The following DIP2B variants were observed in gnomAD, a reference collection of about 807,000 sequenced individuals.
DIP2B encodes DIP2 acetate--CoA ligase B (putative).
A neutral mutation model predicts 198.0 loss-of-function variants in DIP2B; 76 were observed. The observed-to-expected ratio is 0.38, with a 90% CI of 0.32 to 0.46. The LOEUF is 0.46. Among genes scored for constraint, DIP2B ranks in the 20% least tolerant of loss-of-function variants. DIP2B has a pLI of 0.99. For missense variants in DIP2B, 1,559 were observed against 1,978.4 expected, an observed-to-expected ratio of 0.79 and a Z score of 4.02; for synonymous variants, 701 against 739.1, an observed-to-expected ratio of 0.95 and a Z score of 0.84.
At chr12:50,642,039 A>C (rs1189803569) in intron 3 of DIP2B, among the ~76,000 whole-genome samples, 3 of 152,172 alleles carry the variant, frequency 2.0e-5, no homozygotes, top group Non-Finnish European at 2.9e-5. Flanking sequence ...ACACAGTTGA[A>C]GAGCTACATC....
chr12:50,680,595 G>C (rs1368332382), intron 8 of DIP2B, 77 bp from the exon 9 acceptor site: 3 of 1,344,462 alleles, frequency 2.2e-6, no homozygotes, highest in Non-Finnish European at 3.2e-6. Flanking sequence ...CTACACTGAT[G>C]ATCTGAATGT....
At chr12:50,571,352 A>G (rs545731277) in intron 1 of DIP2B, among the ~76,000 whole-genome samples, 85 of 151,220 alleles carry the variant, frequency 5.6e-4, no homozygotes, top group African/African-American at 2.0e-3. Flanking sequence ...TTATATTTTT[A>G]GTAGAGATGG....
intron 1 of DIP2B, among the ~76,000 whole-genome samples, chr12:50,576,681 C>G (rs1182385602): frequency 1.3e-5 from 2 of 151,842 alleles, no homozygotes; most frequent in Non-Finnish European, 2.9e-5. Context: ...CAGGGTTTCA[C>G]CATGTTAGCC....
intron 14 of DIP2B, among the ~76,000 whole-genome samples, chr12:50,694,875 C>T (rs567875700): frequency 6.6e-6 from 1 of 151,968 alleles, no homozygotes; most frequent in South Asian, 2.1e-4. Flanking sequence ...TTATGTAGAT[C>T]TCTTATACTG....
At chr12:50,632,188 A>G (rs1429597535) in intron 2 of DIP2B, among the ~76,000 whole-genome samples, 1 of 152,070 alleles carries the variant, frequency 6.6e-6, no homozygotes, top group Non-Finnish European at 1.5e-5. Flanking sequence ...AAACTTTATT[A>G]AAGTTTAGTA....
chr12:50,663,162 C>A (rs1046231912), intron 4 of DIP2B, among the ~76,000 whole-genome samples: 1 of 152,070 alleles, frequency 6.6e-6, no homozygotes, highest in Non-Finnish European at 1.5e-5. Context: ...CGCAGTGGCT[C>A]ACGCCTGTAA....
chr12:50,739,560 G>A lies in DIP2B; in HGVS notation c.4328G>A (p.Arg1443Gln), dbSNP rs183839808. ...ACAGGATACCTTGGTTTTGTCCGCC[G>A]GACCGAGCTCACAGCGGCCACTGGA... ...ARTGYLGFVR[R>Q]TELTAATGER... Residue 1443 changes from arginine to glutamine, a missense_variant, in exon 36 of 38, where the codon CGG becomes CAG. Physicochemically the swap from Arg to Gln is conservative, Grantham distance 43. Coordinates refer to ENST00000301180, the MANE Select transcript of DIP2B (RefSeq NM_173602.3). 36 of 1,613,936 alleles carry A rather than the reference G, an allele frequency of 2.2e-5. 1 individual carries two copies. In the Admixed American group the frequency reaches 3.5e-4, roughly 16 times the overall value.
intron 8 of DIP2B, chr12:50,680,349 G>T: frequency 5.6e-6 from 1 of 179,176 alleles, no homozygotes; most frequent in Non-Finnish European, 1.1e-5. Context: ...CTCCCTTTCA[G>T]TATGATCAGT....
chr12:50,548,337 G>C (rs1010279152), intron 1 of DIP2B, among the ~76,000 whole-genome samples: 1 of 152,000 alleles, frequency 6.6e-6, no homozygotes, highest in Non-Finnish European at 1.5e-5. Context: ...GATCCAGCTA[G>C]CTACTTTAAC....
intron 4 of DIP2B, among the ~76,000 whole-genome samples, chr12:50,663,832 C>G (rs1467171211): frequency 6.9e-6 from 1 of 145,978 alleles, no homozygotes; most frequent in African/African-American, 2.5e-5. Context: ...ATCAATCAAC[C>G]GTACTCCAAC....
chr12:50,740,735 AG>A (rs1401967539), intron 36 of DIP2B, among the ~76,000 whole-genome samples: 52 of 152,368 alleles, frequency 3.4e-4, no homozygotes, highest in South Asian at 1.9e-3. Flanking sequence ...CAAGCCTGTT[AG>A]AAACCAGGAC....
In DIP2B at chr12:50,739,733, T is replaced by C. The variant is rs2139606826; in HGVS notation, c.4354+147T>C. ...AACCCATAAGTGACTCTCTCTTCAT[T>C]TGGAGTCATGCCTTGCCCCATGAAG... On this transcript the variant is annotated intron_variant, in intron 36 of 37. Coordinates refer to ENST00000301180, the MANE Select transcript of DIP2B (RefSeq NM_173602.3). 4 of 1,053,680 alleles carry C rather than the reference T, an allele frequency of 3.8e-6. No individual in the cohort carries two copies. In the East Asian group the frequency reaches 7.9e-5, roughly 21 times the overall value. 65.3% of individuals were successfully genotyped at this position (1,053,680 alleles called of 1,614,324 possible).
intron 1 of DIP2B, among the ~76,000 whole-genome samples, chr12:50,578,004 T>C (rs1315222465): frequency 6.6e-6 from 1 of 152,222 alleles, no homozygotes; most frequent in African/African-American, 2.4e-5. Context: ...TTTAGATTCA[T>C]TGATGTGTGT....
intron 12 of DIP2B, 38 bp downstream of exon 12, chr12:50,686,720 C>G: frequency 6.3e-7 from 1 of 1,579,300 alleles, no homozygotes; most frequent in Non-Finnish European, 8.6e-7. Flanking sequence ...TCAGGCTTTT[C>G]CTTGGGCTTT....
chr12:50,665,693 G>C (rs1407239084), intron 4 of DIP2B, among the ~76,000 whole-genome samples: 1 of 151,562 alleles, frequency 6.6e-6, no homozygotes, highest in African/African-American at 2.4e-5. Flanking sequence ...GCTGAGGTGG[G>C]AGAATCACTT....
chr12:50,601,933 T>C (rs1397447329), intron 1 of DIP2B, among the ~76,000 whole-genome samples: 5 of 152,244 alleles, frequency 3.3e-5, no homozygotes, highest in Non-Finnish European at 7.3e-5. Flanking sequence ...AGTCCTGGTG[T>C]GCATAGTTAT....
At chr12:50,519,544 C>T (rs1440946082) in intron 1 of DIP2B, among the ~76,000 whole-genome samples, 1 of 152,038 alleles carries the variant, frequency 6.6e-6, no homozygotes, top group Non-Finnish European at 1.5e-5. Flanking sequence ...AGGGGAAACC[C>T]AGGATGATAA....
intron 1 of DIP2B, among the ~76,000 whole-genome samples, chr12:50,556,889 T>G (rs1159744195): frequency 6.6e-6 from 1 of 152,236 alleles, no homozygotes; most frequent in African/African-American, 2.4e-5. Flanking sequence ...TTTGTATTTT[T>G]AGTAGAGACA....
chr12:50,593,748 C>T (rs1593637970), intron 1 of DIP2B, among the ~76,000 whole-genome samples: 1 of 578 alleles, frequency 1.7e-3, no homozygotes, highest in Non-Finnish European at 2.9e-3. Flanking sequence ...CTCCTCTCCC[C>T]TCCCCTCCCC....
Sources: allele counts gnomAD v4.1 joint callset (sites outside exome capture counted in the v4.1 genomes callset), GRCh38; gene constraint gnomAD v4.1.1; transcripts MANE v1.5; gene names NCBI Gene and HGNC (gene_info 2026-07-23, HGNC 2026-07-21).